Variants in RBPMS observed in about 807,000 individuals in gnomAD.
RBPMS encodes RNA binding protein, mRNA processing factor, also known as RNA-binding protein with multiple splicing.
In RBPMS, 7 loss-of-function variants were observed where a neutral mutation model predicts 26.8. The observed-to-expected ratio is 0.26, with a 90% CI of 0.15 to 0.49. The LOEUF (loss-of-function observed/expected upper bound fraction) is 0.49, where lower values mean the gene tolerates loss of function less well. Ranked by LOEUF, RBPMS falls within the 20% of genes least tolerant of loss-of-function variation. RBPMS has a pLI of 0.98. For synonymous variants in RBPMS, 96 were observed against 93.3 expected (o/e 1.03, Z -0.17); for missense variants, 186 against 250.0 (o/e 0.74, Z 1.73).
intron 1 of RBPMS, among the ~76,000 whole-genome samples, chr8:30,470,647 A>G (rs1183837101): frequency 1.3e-5 from 2 of 152,188 alleles, no homozygotes; most frequent in Non-Finnish European, 2.9e-5. Flanking sequence ...AGAATATCTC[A>G]GTGAGTGAGA....
intron 6 of RBPMS, among the ~76,000 whole-genome samples, chr8:30,550,877 T>G (rs1329416357): frequency 6.6e-6 from 1 of 152,212 alleles, no homozygotes; most frequent in Non-Finnish European, 1.5e-5. Context: ...CCTCACGAGT[T>G]ACTTTACACA....
intron 4 of RBPMS, among the ~76,000 whole-genome samples, chr8:30,482,911 A>G (rs1403467873): frequency 2.0e-5 from 3 of 152,198 alleles, no homozygotes; most frequent in Non-Finnish European, 2.9e-5. Context: ...TGGAAAGTAA[A>G]TCAAATTCAC....
intron 1 of RBPMS, among the ~76,000 whole-genome samples, chr8:30,446,726 G>T (rs1021150017): frequency 6.6e-6 from 1 of 151,688 alleles, no homozygotes; most frequent in Non-Finnish European, 1.5e-5. Flanking sequence ...AACCTCCTGG[G>T]CTCAAGCGAT....
intron 5 of RBPMS, among the ~76,000 whole-genome samples, chr8:30,510,871 C>G (rs778259247): frequency 1.3e-5 from 2 of 151,688 alleles, no homozygotes; most frequent in Non-Finnish European, 2.9e-5. Flanking sequence ...TGACTCACTT[C>G]TTTTTGAAGT....
intron 1 of RBPMS, among the ~76,000 whole-genome samples, chr8:30,431,355 T>C (rs539098837): frequency 0.015 from 950 of 65,106 alleles, 5 homozygotes; most frequent in Non-Finnish European, 0.02. Context: ...TTTTTTTTCT[T>C]TCTCTTTCTT....
rs1311495820 is a variant in RBPMS, at chr8:30,484,441, C to T, written c.246+5064C>T. On this transcript the variant is annotated intron_variant, in intron 4 of 8. Transcript: ENST00000397323. ...GGGGAAAAACTCAACCCTCATATTA[C>T]TCTTTTAATAAGACAGAACTTGAAG... 3.3e-5 allele frequency among the ~76,000 whole-genome samples: 5 copies of T among 152,132 alleles called. No individual in the cohort carries two copies. In the East Asian group the frequency reaches 9.6e-4, roughly 29 times the overall value.
chr8:30,528,218 T>G (rs952777635), intron 5 of RBPMS, among the ~76,000 whole-genome samples: 2 of 152,104 alleles, frequency 1.3e-5, no homozygotes, highest in African/African-American at 4.8e-5. Flanking sequence ...TAATCCTTGT[T>G]TAGTGGTGGA....
At chr8:30,547,612 G>C (rs953942339) in intron 6 of RBPMS, 41 of 735,890 alleles carry the variant, frequency 5.6e-5, no homozygotes, top group Non-Finnish European at 7.8e-5. Context: ...AATTGGGCCT[G>C]TGACACCAAG....
intron 6 of RBPMS, among the ~76,000 whole-genome samples, chr8:30,551,517 T>A (rs1239364278): frequency 1.3e-5 from 2 of 152,242 alleles, no homozygotes; most frequent in Non-Finnish European, 2.9e-5. Flanking sequence ...ACTCTCCATT[T>A]GGTACACTGT....
chr8:30,479,293 T>C, intron 3 of RBPMS, 22 bp from the exon 4 acceptor site: 1 of 1,598,636 alleles, frequency 6.3e-7, no homozygotes, highest in Non-Finnish European at 8.6e-7. Context: ...TTTTTCTTCA[T>C]ATTTCTCTTT....
At chr8:30,455,958 AAGACTG>A (rs1815157787) in intron 1 of RBPMS, among the ~76,000 whole-genome samples, 1 of 152,206 alleles carries the variant, frequency 6.6e-6, no homozygotes, top group South Asian at 2.1e-4. Context: ...GTGTGGTATT[AAGACTG>A]AGCCAGTAGA....
chr8:30,411,979 T>G (rs1809488952), intron 1 of RBPMS, among the ~76,000 whole-genome samples: 1 of 122,884 alleles, frequency 8.1e-6, no homozygotes, highest in South Asian at 2.8e-4. Flanking sequence ...GAGTGAGACT[T>G]CGTCTCAAAA....
At chr8:30,517,760 A>G (rs1822507820) in intron 5 of RBPMS, among the ~76,000 whole-genome samples, 1 of 152,220 alleles carries the variant, frequency 6.6e-6, no homozygotes, top group South Asian at 2.1e-4. Flanking sequence ...TGCTTGTGCA[A>G]CTGATGAAGC....
At chr8:30,465,405 A>C (rs1816384326) in intron 1 of RBPMS, among the ~76,000 whole-genome samples, 1 of 152,244 alleles carries the variant, frequency 6.6e-6, no homozygotes, top group Non-Finnish European at 1.5e-5. Context: ...TTGGCAGCTT[A>C]AAATCCTAGG....
At chr8:30,492,866 T>G (rs1274370821) in intron 4 of RBPMS, among the ~76,000 whole-genome samples, 2 of 152,224 alleles carry the variant, frequency 1.3e-5, no homozygotes, top group Non-Finnish European at 2.9e-5. Flanking sequence ...TTTTTTTCCT[T>G]TTTGGTGCCA....
intron 5 of RBPMS, among the ~76,000 whole-genome samples, chr8:30,540,577 C>T (rs899634180): frequency 5.3e-5 from 8 of 152,036 alleles, no homozygotes; most frequent in Admixed American, 2.0e-4. Flanking sequence ...AGGCATGCAC[C>T]GCCAGGCCTG....
At chr8:30,567,126 A>C (rs1827946017) in intron 8 of RBPMS, among the ~76,000 whole-genome samples, 1 of 152,204 alleles carries the variant, frequency 6.6e-6, no homozygotes, top group Non-Finnish European at 1.5e-5. Context: ...GTCTCAGCCT[A>C]AATAAAGCGG....
At chr8:30,516,351 C>T (rs1427372467) in intron 5 of RBPMS, among the ~76,000 whole-genome samples, 1 of 152,186 alleles carries the variant, frequency 6.6e-6, no homozygotes, top group Admixed American at 6.5e-5. Flanking sequence ...TGCCACTGTA[C>T]TCCAGCCTGG....
At chr8:30,550,259 AG>A (rs1158157376) in intron 6 of RBPMS, among the ~76,000 whole-genome samples, 6 of 152,176 alleles carry the variant, frequency 3.9e-5, no homozygotes, top group African/African-American at 1.4e-4. Context: ...TGGAAAAGAC[AG>A]GCTCTGGAAC....
Sources: allele counts gnomAD v4.1 joint callset (sites outside exome capture counted in the v4.1 genomes callset), GRCh38; gene constraint gnomAD v4.1.1; transcripts MANE v1.5; gene names NCBI Gene and HGNC (gene_info 2026-07-23, HGNC 2026-07-21).